The following PDE4D variants were observed in gnomAD, a reference collection of about 807,000 sequenced individuals.
PDE4D encodes the protein phosphodiesterase 4D, also known as 3',5'-cyclic-AMP phosphodiesterase 4D.
In PDE4D, 24 loss-of-function variants were observed where a neutral mutation model predicts 87.4. That is an observed-to-expected ratio of 0.27 (90% confidence interval 0.20 to 0.39). The LOEUF (loss-of-function observed/expected upper bound fraction) is 0.39. Among genes scored for constraint, PDE4D ranks in the 10% least tolerant of loss-of-function variants. The pLI is 1.00. For synonymous variants in PDE4D, 384 were observed against 383.2 expected (o/e 1.00, Z -0.02); for missense variants, 714 against 1,041.0 (o/e 0.69, Z 4.32).
chr5:59,640,129 G>A (rs1044652578), intron 1 of PDE4D, among the ~76,000 whole-genome samples: 8 of 152,066 alleles, frequency 5.3e-5, no homozygotes, highest in African/African-American at 1.9e-4. Context: ...TATTTGCAGT[G>A]TCTATTGTTT....
chr5:59,164,976 T>C (rs1407270850), intron 5 of PDE4D: 1 of 151,978 alleles, frequency 6.6e-6, no homozygotes, highest in East Asian at 1.9e-4. Flanking sequence ...AATGATGAGA[T>C]GGTCAAATTA....
intron 3 of PDE4D, among the ~76,000 whole-genome samples, chr5:59,948,129 T>G (rs1212516845): frequency 6.6e-6 from 1 of 152,244 alleles, no homozygotes; most frequent in Non-Finnish European, 1.5e-5. Flanking sequence ...GTGTAGTTAA[T>G]AGTGCCACTA....
intron 1 of PDE4D, among the ~76,000 whole-genome samples, chr5:60,377,691 C>T (rs879852867): frequency 5.3e-5 from 8 of 152,010 alleles, no homozygotes; most frequent in Non-Finnish European, 1.2e-4. Flanking sequence ...ACTGTACCTA[C>T]CAGTAGTCAT....
chr5:59,519,116 C>G (rs1338291581), intron 1 of PDE4D, among the ~76,000 whole-genome samples: 6 of 152,174 alleles, frequency 3.9e-5, no homozygotes, highest in Admixed American at 3.9e-4. Flanking sequence ...TTCTCTCTCT[C>G]CCTCCTTCCT....
chr5:59,067,790 G>T (rs950074868), intron 5 of PDE4D, among the ~76,000 whole-genome samples: 1 of 152,002 alleles, frequency 6.6e-6, no homozygotes, highest in African/African-American at 2.4e-5. Flanking sequence ...AATGCATTCT[G>T]CCCTCTTATT....
At chr5:60,282,567 C>G (rs1752046636) in intron 1 of PDE4D, among the ~76,000 whole-genome samples, 1 of 152,148 alleles carries the variant, frequency 6.6e-6, no homozygotes, top group Non-Finnish European at 1.5e-5. Context: ...TTACTATGTT[C>G]TCTGTATCTA....
intron 1 of PDE4D, chr5:59,529,069 G>A (rs1048645849): frequency 1.3e-5 from 6 of 467,194 alleles, no homozygotes; most frequent in Non-Finnish European, 2.6e-5. Flanking sequence ...TAATTCGTTG[G>A]ACCTATGCAA....
intron 2 of PDE4D, among the ~76,000 whole-genome samples, chr5:60,132,269 T>G (rs894952417): frequency 7.9e-5 from 12 of 152,322 alleles, no homozygotes; most frequent in African/African-American, 2.9e-4. Flanking sequence ...AAAAGCATGC[T>G]TCCTAAATTT....
At chr5:59,994,249 G>A (rs577976036) in intron 2 of PDE4D, among the ~76,000 whole-genome samples, 3 of 151,656 alleles carry the variant, frequency 2.0e-5, no homozygotes, top group East Asian at 2.0e-4. Context: ...TATATATAGA[G>A]AGGGGGGAGA....
intron 1 of PDE4D, among the ~76,000 whole-genome samples, chr5:59,568,166 C>CAA (rs901584003): frequency 9.2e-5 from 14 of 152,042 alleles, no homozygotes; most frequent in Non-Finnish European, 1.9e-4. Flanking sequence ...CAAAACAAAA[C>CAA]AAACAAAAAA....
intron 1 of PDE4D, among the ~76,000 whole-genome samples, chr5:60,319,093 T>A (rs1469437609): frequency 2.0e-5 from 3 of 152,232 alleles, no homozygotes; most frequent in Non-Finnish European, 4.4e-5. Context: ...CCAACTTGAT[T>A]CCATTCTCCC....
At chr5:59,570,058 T>C (rs1821570194) in intron 1 of PDE4D, among the ~76,000 whole-genome samples, 1 of 152,216 alleles carries the variant, frequency 6.6e-6, no homozygotes, top group Admixed American at 6.5e-5. Context: ...CATTATTATG[T>C]GGTTGTGAAT....
chr5:59,947,484 G>T (rs532314196), intron 3 of PDE4D, among the ~76,000 whole-genome samples: 1 of 152,256 alleles, frequency 6.6e-6, no homozygotes, highest in South Asian at 2.1e-4. Flanking sequence ...GGACAAACCA[G>T]TCCAAGTAGT....
intron 3 of PDE4D, among the ~76,000 whole-genome samples, chr5:59,984,040 C>CA (rs1285663840): frequency 8.3e-6 from 1 of 120,912 alleles, no homozygotes; most frequent in Non-Finnish European, 2.0e-5. Context: ...ACATGGATAT[C>CA]AAAAAAAAAT....
At chr5:59,209,118 CTG>C (rs1749491460) in intron 2 of PDE4D, among the ~76,000 whole-genome samples, 4 of 152,116 alleles carry the variant, frequency 2.6e-5, no homozygotes, top group Admixed American at 2.0e-4. Flanking sequence ...AGCTTGGAAA[CTG>C]TTATTTTTTT....
chr5:59,807,446 T>C (rs1323163632), intron 1 of PDE4D, among the ~76,000 whole-genome samples: 2 of 152,076 alleles, frequency 1.3e-5, no homozygotes, highest in South Asian at 2.1e-4. Context: ...GCTACATATG[T>C]AGTATGAGGG....
intron 1 of PDE4D, among the ~76,000 whole-genome samples, chr5:59,625,808 C>T (rs1472081961): frequency 2.6e-5 from 4 of 152,152 alleles, no homozygotes; most frequent in African/African-American, 7.2e-5. Context: ...TGACTGGGCG[C>T]GGTGGCTCAT....
chr5:60,368,282 C>CA (rs1760724419), intron 1 of PDE4D, among the ~76,000 whole-genome samples: 1 of 152,188 alleles, frequency 6.6e-6, no homozygotes. Flanking sequence ...GTTAGAAAGG[C>CA]ATTGCAGTTG....
chr5:60,447,270 A>G lies in PDE4D; in HGVS notation c.-90+40672T>C, dbSNP rs115767781. Among the ~76,000 whole-genome samples, 238 of 152,320 alleles carry G rather than the reference A, an allele frequency of 1.6e-3. 1 individual carries two copies. The highest frequency in any genetic ancestry group is 5.5e-3 in the African/African-American group (229 of 41,586). On this transcript the variant is annotated intron_variant, in intron 1 of 16. Coordinates refer to the PDE4D transcript ENST00000502484. ...CATATGGATAAATTTATCAATCAAT[A>G]AAACCATATCACATGCTTCAGAATA...
Sources: allele counts gnomAD v4.1 joint callset (sites outside exome capture counted in the v4.1 genomes callset), GRCh38; gene constraint gnomAD v4.1.1; transcripts MANE v1.5; gene names NCBI Gene and HGNC (gene_info 2026-07-23, HGNC 2026-07-21).